S100Z: variants seen among roughly 807,000 people sequenced by gnomAD.
The protein encoded by S100Z is protein S100-Z.
Under a neutral mutation model 8.5 loss-of-function variants are expected in S100Z, and 11 were observed. That is an observed-to-expected ratio of 1.30 (90% confidence interval 0.82 to 2.15). S100Z has a LOEUF of 2.15. Ranked by LOEUF, S100Z falls within the 30% of genes most tolerant of loss-of-function variation. S100Z has a pLI of 0.00. For missense variants in S100Z, 126 were observed against 117.9 expected, an observed-to-expected ratio of 1.07 and a Z score of -0.32; for synonymous variants, 34 against 43.8, an observed-to-expected ratio of 0.78 and a Z score of 0.89.
At chr5:76,929,324 C>T in the S100Z span, among the ~76,000 whole-genome samples, 1 of 152,148 alleles carries the variant, frequency 6.6e-6, no homozygotes, top group Non-Finnish European at 1.5e-5. Flanking sequence ...TTGTATATGT[C>T]CACTTCATCT....
chr5:76,909,411 A>G (rs1744572307), intron 4 of S100Z, among the ~76,000 whole-genome samples: 1 of 152,160 alleles, frequency 6.6e-6, no homozygotes, highest in South Asian at 2.1e-4. Flanking sequence ...TTACAATACT[A>G]TCCTGCAGCT....
chr5:76,926,624 C>T (rs760651188), downstream of S100Z, among the ~76,000 whole-genome samples: 5 of 152,036 alleles, frequency 3.3e-5, no homozygotes, highest in Non-Finnish European at 5.9e-5. Context: ...AAGGCCCAGA[C>T]CTGAGAGAAA....
intron 2 of S100Z, among the ~76,000 whole-genome samples, chr5:76,872,070 C>T (rs1250250158): frequency 6.6e-6 from 1 of 151,436 alleles, no homozygotes; most frequent in East Asian, 2.0e-4. Context: ...GACCTCATCT[C>T]TAAAAAAAGT....
chr5:76,951,469 G>A, the S100Z span, among the ~76,000 whole-genome samples: 1 of 152,206 alleles, frequency 6.6e-6, no homozygotes. Flanking sequence ...CAAGGTGGGT[G>A]CTGGACTGAA....
chr5:76,868,372 A>C (rs570095237), intron 1 of S100Z, among the ~76,000 whole-genome samples: 1 of 152,284 alleles, frequency 6.6e-6, no homozygotes, highest in African/African-American at 2.4e-5. Context: ...TTTAAACCCC[A>C]AGAGCCAAGA....
At chr5:76,870,564 A>T (rs1292553406) in intron 2 of S100Z, among the ~76,000 whole-genome samples, 4 of 152,130 alleles carry the variant, frequency 2.6e-5, no homozygotes, top group Non-Finnish European at 5.9e-5. Context: ...AGTCCTCAGT[A>T]AGATTCCTGA....
downstream of S100Z, among the ~76,000 whole-genome samples, chr5:76,924,220 A>G (rs891961037): frequency 6.6e-6 from 1 of 152,200 alleles, no homozygotes; most frequent in Non-Finnish European, 1.5e-5. Context: ...AAAATCATTT[A>G]CTATATAAAT....
intron 2 of S100Z, among the ~76,000 whole-genome samples, chr5:76,874,338 T>A (rs1183755033): frequency 6.6e-6 from 1 of 152,158 alleles, no homozygotes; most frequent in African/African-American, 2.4e-5. Flanking sequence ...TTAGAGTTCT[T>A]CCCCATCATC....
At chr5:76,892,404 C>T (rs1483136259) in intron 4 of S100Z, among the ~76,000 whole-genome samples, 2 of 152,152 alleles carry the variant, frequency 1.3e-5, no homozygotes, top group East Asian at 3.9e-4. Context: ...CCAGCTTTCT[C>T]AAAAGGTCCT....
chr5:76,919,953 G>A (rs1400792371), intron 4 of S100Z, among the ~76,000 whole-genome samples: 1 of 146,600 alleles, frequency 6.8e-6, no homozygotes, highest in African/African-American at 2.6e-5. Flanking sequence ...CTGTAGCCCA[G>A]GCTGGAGTGC....
At position 76,883,622 on chromosome 5, in the gene S100Z, C is replaced by T. The variant is rs182834618; in HGVS notation, c.*2+5788C>T. Among the ~76,000 whole-genome samples the T allele has an allele frequency of 2.7e-3, 408 of 152,224 alleles. 3 individuals are homozygous for T. Among genetic ancestry groups the T allele is most frequent in the African/African-American group, 9.1e-3 (379 of 41,538 alleles). The stretch of plus-strand genomic sequence containing the variant: ...GGTCTGTGATGGTCCAGGGGGCTTC[C>T]GAGGTGATCAGGCAGCGTCAGTCTT... On this transcript the variant is annotated intron_variant, in intron 4 of 4. Transcript: ENST00000317593.
chr5:76,932,768 A>AT, the S100Z span, among the ~76,000 whole-genome samples: 23,374 of 152,114 alleles, frequency 0.15, 1,936 homozygotes, highest in East Asian at 0.2. Context: ...AAATTCATTT[A>AT]TTTTTTCATC....
chr5:76,946,144 A>C, the S100Z span, among the ~76,000 whole-genome samples: 1 of 152,130 alleles, frequency 6.6e-6, no homozygotes, highest in Non-Finnish European at 1.5e-5. Flanking sequence ...GGATCTCTTT[A>C]GTCTGGATTT....
intron 1 of S100Z, among the ~76,000 whole-genome samples, chr5:76,856,005 G>A (rs1011483047): frequency 6.6e-6 from 1 of 152,082 alleles, no homozygotes. Context: ...ATGAGATCTG[G>A]TTGTTCAAAA....
At chr5:76,893,165 T>C (rs1163885499) in intron 4 of S100Z, among the ~76,000 whole-genome samples, 2 of 152,152 alleles carry the variant, frequency 1.3e-5, no homozygotes, top group African/African-American at 4.8e-5. Context: ...TACTATATAA[T>C]ATTAACTTTA....
At chr5:76,897,722 ATTTAAT>A (rs1246255433) in intron 4 of S100Z, among the ~76,000 whole-genome samples, 1 of 151,984 alleles carries the variant, frequency 6.6e-6, no homozygotes. Context: ...ATTCCTATGT[ATTTAAT>A]TTTATGTGTA....
chr5:76,865,841 C>T (rs1484576319), intron 1 of S100Z, among the ~76,000 whole-genome samples: 4 of 149,626 alleles, frequency 2.7e-5, no homozygotes, highest in South Asian at 2.1e-4. Flanking sequence ...GGTGAAACCC[C>T]GTCTCTACTA....
intron 1 of S100Z, among the ~76,000 whole-genome samples, chr5:76,868,623 CTTT>C (rs35398110): frequency 2.0e-4 from 25 of 122,776 alleles, no homozygotes; most frequent in East Asian, 2.3e-4. Flanking sequence ...AATTCAAACT[CTTT>C]TTTTTTTTTT....
At chr5:76,951,441 G>C in the S100Z span, among the ~76,000 whole-genome samples, 1 of 152,176 alleles carries the variant, frequency 6.6e-6, no homozygotes, top group African/African-American at 2.4e-5. Context: ...CCCCCTAAGA[G>C]GTAAAGGCAG....
Sources: allele counts gnomAD v4.1 joint callset (sites outside exome capture counted in the v4.1 genomes callset), GRCh38; gene constraint gnomAD v4.1.1; transcripts MANE v1.5; gene names NCBI Gene and HGNC (gene_info 2026-07-23, HGNC 2026-07-21).